The following DOK5 variants were observed in gnomAD, a reference collection of about 807,000 sequenced individuals.
The protein encoded by DOK5 is downstream of tyrosine kinase 5.
In DOK5, 27 loss-of-function variants were observed where a neutral mutation model predicts 43.3. The observed-to-expected ratio is 0.62, with a 90% CI of 0.46 to 0.86. The LOEUF is 0.86. Ranked by LOEUF, DOK5 falls within the 40% of genes least tolerant of loss-of-function variation. DOK5 has a pLI of 0.00. For missense variants in DOK5, 373 were observed against 392.9 expected (o/e 0.95, Z 0.43); for synonymous variants, 146 against 140.1 (o/e 1.04, Z -0.30).
At chr20:54,565,928 G>A (rs1481172584) in intron 2 of DOK5, among the ~76,000 whole-genome samples, 1 of 150,206 alleles carries the variant, frequency 6.7e-6, no homozygotes, top group African/African-American at 2.5e-5. Flanking sequence ...TGAGGCAGGA[G>A]AATCACTTGA....
intron 1 of DOK5, among the ~76,000 whole-genome samples, chr20:54,481,265 G>A (rs1040491330): frequency 4.6e-5 from 7 of 152,032 alleles, no homozygotes; most frequent in Non-Finnish European, 8.8e-5. Context: ...TGCCTCCTGG[G>A]TTCAAGCAAT....
At chr20:54,623,905 C>A (rs1987062433) in intron 6 of DOK5, among the ~76,000 whole-genome samples, 1 of 152,104 alleles carries the variant, frequency 6.6e-6, no homozygotes, top group Admixed American at 6.6e-5. Context: ...CTTACACAAA[C>A]CAATATGAGT....
chr20:54,647,397 C>T (rs975886295), intron 7 of DOK5, among the ~76,000 whole-genome samples: 1 of 151,598 alleles, frequency 6.6e-6, no homozygotes, highest in African/African-American at 2.4e-5. Context: ...TCCAGCTACT[C>T]GGAAAGCTGA....
chr20:54,552,576 TTATA>T (rs1249975665), intron 1 of DOK5, among the ~76,000 whole-genome samples: 1 of 152,160 alleles, frequency 6.6e-6, no homozygotes, highest in African/African-American at 2.4e-5. Context: ...ACCATTTACT[TTATA>T]TAGCTACTAA....
chr20:54,560,842 G>A (rs960350217), intron 2 of DOK5, among the ~76,000 whole-genome samples: 2 of 151,918 alleles, frequency 1.3e-5, no homozygotes, highest in African/African-American at 2.4e-5. Flanking sequence ...GGCTGGTCTC[G>A]AACTCCTGAC....
At chr20:54,507,671 T>A (rs1303268684) in intron 1 of DOK5, among the ~76,000 whole-genome samples, 3 of 152,164 alleles carry the variant, frequency 2.0e-5, no homozygotes. Context: ...TGAGATCTTA[T>A]GACAGGAAGG....
rs977533123 is a variant in DOK5 at position 54,475,629 on chromosome 20, C to T, written c.-318C>T. The T allele has an allele frequency of 1.6e-4, 76 of 469,712 alleles. No homozygotes were observed. The highest frequency in any genetic ancestry group is 2.7e-4 in the Non-Finnish European group (70 of 260,458). The allele number at this position is 469,712 out of a possible 1,614,324, so 29.1% of individuals were successfully genotyped here. On this transcript the variant is annotated 5_prime_UTR_variant, in exon 1 of 8. Transcript: ENST00000262593. This position sits in a 1 kb window ranked among gnomAD's most constrained non-coding sequence, Gnocchi z 4.2. ...CCTTCTCGGCCGGGAGGAGGCAGGG[C>T]TGGATCCCTCAGCCGCCGCCGCTCC...
At chr20:54,556,984 A>G (rs1020382835) in intron 2 of DOK5, among the ~76,000 whole-genome samples, 7 of 152,212 alleles carry the variant, frequency 4.6e-5, no homozygotes, top group Non-Finnish European at 1.5e-5. Context: ...TAAATGAGGA[A>G]TACATTATAG....
At chr20:54,498,080 T>C (rs947465887) in intron 1 of DOK5, among the ~76,000 whole-genome samples, 5 of 152,206 alleles carry the variant, frequency 3.3e-5, no homozygotes, top group Non-Finnish European at 5.9e-5. Context: ...ATTTTTCTCT[T>C]ATGTATCTTT....
intron 6 of DOK5, among the ~76,000 whole-genome samples, chr20:54,624,758 A>G (rs1304733515): frequency 6.6e-6 from 1 of 152,208 alleles, no homozygotes; most frequent in East Asian, 1.9e-4. Flanking sequence ...GGCTCCGAAT[A>G]AATTGATGCA....
intron 1 of DOK5, among the ~76,000 whole-genome samples, chr20:54,512,181 A>G (rs2146688442): frequency 6.6e-6 from 1 of 152,362 alleles, no homozygotes; most frequent in Middle Eastern, 3.4e-3. Context: ...ATGTGGAGAC[A>G]TCTGCTTCCT....
rs148598234 is a variant in DOK5 at position 54,586,931 on chromosome 20, C to G, written c.175-1552C>G. Among the ~76,000 whole-genome samples the G allele has an allele frequency of 6.7e-3, 1,021 of 151,746 alleles. 9 individuals are homozygous for G. Among genetic ancestry groups the G allele is most frequent in the African/African-American group, 0.023 (966 of 41,372 alleles). ...GGTCTTGGTGGTCATTCTAAGGATG[C>G]AGGCTTTTGTCCCACGTGCAATGGG... On this transcript the variant is annotated intron_variant, in intron 2 of 7. Transcript: ENST00000262593.
intron 5 of DOK5, among the ~76,000 whole-genome samples, chr20:54,597,405 AT>A (rs1264958647): frequency 6.6e-6 from 1 of 152,188 alleles, no homozygotes; most frequent in African/African-American, 2.4e-5. Context: ...AGGTCTAATC[AT>A]GTGGTTGAGA....
intron 2 of DOK5, among the ~76,000 whole-genome samples, chr20:54,563,442 C>G (rs1298515617): frequency 6.6e-6 from 1 of 152,122 alleles, no homozygotes; most frequent in Non-Finnish European, 1.5e-5. Flanking sequence ...TGGTTTGGCT[C>G]ATTTATGTAA....
intron 2 of DOK5, among the ~76,000 whole-genome samples, chr20:54,578,515 A>T (rs1358947382): frequency 6.6e-6 from 1 of 152,180 alleles, no homozygotes; most frequent in Non-Finnish European, 1.5e-5. Context: ...AAATACACAG[A>T]AGTTATTTTG....
At chr20:54,503,388 A>G (rs769743337) in intron 1 of DOK5, among the ~76,000 whole-genome samples, 3 of 152,214 alleles carry the variant, frequency 2.0e-5, no homozygotes, top group Non-Finnish European at 2.9e-5. Flanking sequence ...AGGAAGTCAC[A>G]AAGTGGACCT....
intron 2 of DOK5, among the ~76,000 whole-genome samples, chr20:54,581,788 T>C (rs1014722890): frequency 6.6e-6 from 1 of 151,996 alleles, no homozygotes; most frequent in Non-Finnish European, 1.5e-5. Flanking sequence ...TTTTTGTGTG[T>C]AGATAGAATC....
chr20:54,564,325 G>A (rs528014631), intron 2 of DOK5, among the ~76,000 whole-genome samples: 20 of 152,264 alleles, frequency 1.3e-4, no homozygotes, highest in Non-Finnish European at 2.4e-4. Flanking sequence ...CAGCTACTCG[G>A]GAGGCTGAGG....
chr20:54,547,462 A>G (rs748533231), intron 1 of DOK5, among the ~76,000 whole-genome samples: 5 of 152,246 alleles, frequency 3.3e-5, no homozygotes, highest in Non-Finnish European at 7.3e-5. Flanking sequence ...TTACTATTAT[A>G]GTAAAATTAG....
Sources: gnomAD v4.1 joint callset for allele counts (sites outside exome capture counted in the v4.1 genomes callset) on GRCh38, gnomAD v4.1.1 for gene constraint, Gnocchi (gnomAD v3.1) non-coding constraint, MANE v1.5 for transcripts, NCBI Gene and HGNC (gene_info 2026-07-23, HGNC 2026-07-21) for gene names.